The following DPH6 variants were observed in gnomAD, a reference collection of about 807,000 sequenced individuals.
DPH6 encodes the protein diphthine--ammonia ligase.
In DPH6, 33 loss-of-function variants were observed where a neutral mutation model predicts 38.2. The ratio of observed to expected loss-of-function variants is 0.86; its 90% CI spans 0.65 to 1.15. The LOEUF is 1.15. Ranked by LOEUF, DPH6 falls within the 50% of genes most tolerant of loss-of-function variation. The pLI is 0.00. For synonymous variants in DPH6, 108 were observed against 103.0 expected (o/e 1.05, Z -0.30); for missense variants, 325 against 320.0 (o/e 1.02, Z -0.12).
chr15:35,237,651 T>C, intron 3 of DPH6: 1 of 1,613,378 alleles, frequency 6.2e-7, no homozygotes, highest in Non-Finnish European at 8.5e-7. Flanking sequence ...ACAGAGCCAC[T>C]GAAAAACTTA....
intron 3 of DPH6, chr15:35,521,925 T>A: frequency 7.0e-7 from 1 of 1,419,266 alleles, no homozygotes; most frequent in Middle Eastern, 2.6e-4. Flanking sequence ...GTTGAATACA[T>A]GGAAAGTTCA....
intron 5 of DPH6, among the ~76,000 whole-genome samples, chr15:35,437,749 C>A (rs975642914): frequency 1.4e-4 from 22 of 152,208 alleles, no homozygotes; most frequent in South Asian, 2.1e-4. Flanking sequence ...GGCCAGCAAA[C>A]CAGTCAGTGG....
At chr15:35,313,599 T>C (rs964942818) in intron 3 of DPH6, among the ~76,000 whole-genome samples, 8 of 152,196 alleles carry the variant, frequency 5.3e-5, no homozygotes, top group African/African-American at 1.9e-4. Flanking sequence ...TTCGTATCTA[T>C]TGCAAATGAG....
At chr15:35,464,292 C>CA (rs371821044) in intron 3 of DPH6, among the ~76,000 whole-genome samples, 7,196 of 113,404 alleles carry the variant, frequency 0.063, 451 homozygotes, top group African/African-American at 0.16. Flanking sequence ...GACTTTGTCT[C>CA]AAAAAAAAAA....
intron 3 of DPH6, among the ~76,000 whole-genome samples, chr15:35,470,731 G>A (rs2054188383): frequency 6.6e-6 from 1 of 152,090 alleles, no homozygotes; most frequent in South Asian, 2.1e-4. Context: ...GAATAACAAA[G>A]CCATGAGAAA....
intron 6 of DPH6, among the ~76,000 whole-genome samples, chr15:35,387,738 T>C (rs1437230211): frequency 6.6e-6 from 1 of 152,172 alleles, no homozygotes; most frequent in Non-Finnish European, 1.5e-5. Flanking sequence ...TAAGGAGATT[T>C]TGGGCTGAGA....
At chr15:35,354,347 C>G (rs1169109020) in intron 3 of DPH6, among the ~76,000 whole-genome samples, 2 of 152,150 alleles carry the variant, frequency 1.3e-5, no homozygotes, top group Non-Finnish European at 2.9e-5. Context: ...GAGAGCATCC[C>G]TGTCTTGTGC....
intron 7 of DPH6, among the ~76,000 whole-genome samples, chr15:35,373,919 G>A (rs983825683): frequency 3.3e-5 from 5 of 151,868 alleles, no homozygotes; most frequent in Non-Finnish European, 7.4e-5. Flanking sequence ...TCATTTTCAC[G>A]TATTTGCTTG....
At chr15:35,228,539 C>T (rs2051497610) in intron 3 of DPH6, among the ~76,000 whole-genome samples, 1 of 152,126 alleles carries the variant, frequency 6.6e-6, no homozygotes, top group South Asian at 2.1e-4. Flanking sequence ...AGGAATTGTC[C>T]CACCTCAGCC....
intron 3 of DPH6, among the ~76,000 whole-genome samples, chr15:35,270,987 C>T (rs900545114): frequency 4.6e-5 from 7 of 152,244 alleles, no homozygotes; most frequent in Admixed American, 1.3e-4. Flanking sequence ...GGAGCTGAAG[C>T]GAAGACCATC....
intron 3 of DPH6, chr15:35,237,989 G>A (rs1243377615): frequency 4.7e-6 from 7 of 1,474,560 alleles, no homozygotes; most frequent in Non-Finnish European, 6.6e-6. Flanking sequence ...GGAAGATGAA[G>A]AAGAGCTCCG....
chr15:35,321,572 G>C (rs963566966), intron 3 of DPH6, among the ~76,000 whole-genome samples: 1 of 152,170 alleles, frequency 6.6e-6, no homozygotes. Context: ...CTTGACTCTG[G>C]TAATAGTCAC....
In DPH6 at chr15:35,400,580, C is replaced by G. The variant is rs1000586799; in HGVS notation, c.567+10255G>C. On this transcript the variant is annotated intron_variant, in intron 6 of 8. Coordinates refer to ENST00000256538, the MANE Select transcript of DPH6 (RefSeq NM_080650.4). ...GTTTCTGTGTCAAACACTGAAGAAC[C>G]ATTTGAGAATATAAACCTTGACTAA... The G allele has an allele frequency of 8.0e-6, 3 of 372,998 alleles. No homozygotes were observed. In the East Asian group the frequency reaches 1.5e-4, roughly 19 times the overall value. The allele number at this position is 372,998 out of a possible 1,614,324, so 23.1% of individuals were successfully genotyped here. A position where few individuals can be genotyped will look rare whatever the true frequency, so the allele number is the denominator to read the frequency against.
intron 6 of DPH6, among the ~76,000 whole-genome samples, chr15:35,390,573 T>A (rs934976289): frequency 1.3e-5 from 2 of 152,184 alleles, no homozygotes; most frequent in Non-Finnish European, 2.9e-5. Context: ...ACTTCTCTTC[T>A]CACTTCATTT....
intron 5 of DPH6, among the ~76,000 whole-genome samples, chr15:35,433,998 C>G (rs770365041): frequency 1.3e-5 from 2 of 152,158 alleles, no homozygotes; most frequent in East Asian, 1.9e-4. Context: ...CTGTACAAGG[C>G]TGCCCTCTAC....
At chr15:35,332,504 A>G (rs192887570) in intron 3 of DPH6, among the ~76,000 whole-genome samples, 1 of 152,182 alleles carries the variant, frequency 6.6e-6, no homozygotes, top group East Asian at 1.9e-4. Flanking sequence ...TGGTTGTTTT[A>G]GCATCATGAA....
intron 3 of DPH6, among the ~76,000 whole-genome samples, chr15:35,487,492 G>A (rs2054420010): frequency 6.6e-6 from 1 of 152,252 alleles, no homozygotes; most frequent in African/African-American, 2.4e-5. Context: ...CGTACCCTCT[G>A]AAGCAATGGC....
intron 3 of DPH6, among the ~76,000 whole-genome samples, chr15:35,530,981 A>T (rs1018172557): frequency 1.3e-5 from 2 of 152,202 alleles, no homozygotes; most frequent in African/African-American, 4.8e-5. Flanking sequence ...CTGGGAACTG[A>T]AAGGGCTTGA....
At chr15:35,189,496 T>C in the DPH6 span, among the ~76,000 whole-genome samples, 1 of 152,222 alleles carries the variant, frequency 6.6e-6, no homozygotes, top group African/African-American at 2.4e-5. Context: ...CATTATATGA[T>C]TTAAGACCCT....
Sources: gnomAD v4.1 joint callset for allele counts (sites outside exome capture counted in the v4.1 genomes callset) on GRCh38, gnomAD v4.1.1 for gene constraint, MANE v1.5 for transcripts, NCBI Gene and HGNC (gene_info 2026-07-23, HGNC 2026-07-21) for gene names.